Variants in COL11A1 observed in about 807,000 individuals in gnomAD.
COL11A1 encodes the protein collagen alpha-1(XI) chain.
A neutral mutation model predicts 265.2 loss-of-function variants in COL11A1; 74 were observed. The observed-to-expected ratio is 0.28, with a 90% CI of 0.23 to 0.34. COL11A1 has a LOEUF of 0.34. COL11A1 is among the 10% of genes least tolerant of loss of function. COL11A1 has a pLI of 1.00. For missense variants in COL11A1, 2,165 were observed against 2,263.6 expected (o/e 0.96, Z 0.88); for synonymous variants, 816 against 727.6 (o/e 1.12, Z -1.96).
intron 4 of COL11A1, among the ~76,000 whole-genome samples, chr1:103,046,016 C>T (rs78389263): frequency 0.13 from 20,233 of 150,546 alleles, 1,468 homozygotes; most frequent in African/African-American, 0.15. Flanking sequence ...TCCAGTCTAT[C>T]GTTGTTGGAC....
intron 4 of COL11A1, among the ~76,000 whole-genome samples, chr1:103,038,965 A>G (rs1668598898): frequency 6.6e-6 from 1 of 152,218 alleles, no homozygotes; most frequent in Non-Finnish European, 1.5e-5. Context: ...AGGAACGTAG[A>G]GCAATTCTGC....
intron 1 of COL11A1, among the ~76,000 whole-genome samples, chr1:103,094,612 TGAA>T (rs1279971826): frequency 6.6e-6 from 1 of 151,982 alleles, no homozygotes; most frequent in Non-Finnish European, 1.5e-5. Flanking sequence ...CTCCTCAACA[TGAA>T]GATGATGATG....
Position 102,914,758 on chromosome 1 carries a change from A to G in COL11A1, c.3870T>C (p.Ala1290=). ...EKGEAGPPGA[A]GPPGAKGPPG... ...GTGGCCCCTTGGCACCTGGAGGTCC[A>G]GCAGCTCCAGGTGGACCAGCTTCCC... The change falls in exon 51 of 67, where the codon GCT becomes GCC. Residue 1290 remains alanine, a synonymous_variant. Coordinates refer to ENST00000370096, the MANE Select transcript of COL11A1 (RefSeq NM_001854.4). 6.2e-7 allele frequency: 1 copy of G among 1,613,482 alleles called. No homozygotes were observed. Among genetic ancestry groups the G allele is most frequent in the Non-Finnish European group, 8.5e-7 (1 of 1,179,898 alleles).
At chr1:102,904,208 T>C (rs1653597292) in intron 54 of COL11A1, among the ~76,000 whole-genome samples, 1 of 152,132 alleles carries the variant, frequency 6.6e-6, no homozygotes, top group Non-Finnish European at 1.5e-5. Flanking sequence ...TAGCCAGTTT[T>C]ATACAAAAAT....
rs949584188 is a variant in COL11A1, at chr1:103,108,259, G to T, written c.-81C>A. Reference sequence around the variant, plus strand: ...CCAACTTCGTCCTTTCCAAGGTATCGCCAGGGATGTTTGCTACACAGCCAT... The same window carrying T: ...CCAACTTCGTCCTTTCCAAGGTATCTCCAGGGATGTTTGCTACACAGCCAT... On this transcript the variant is annotated 5_prime_UTR_variant, in exon 1 of 67. Coordinates refer to ENST00000370096, the MANE Select transcript of COL11A1 (RefSeq NM_001854.4). 8 of 1,068,068 alleles carry T rather than the reference G, an allele frequency of 7.5e-6. No individual in the cohort carries two copies. Among genetic ancestry groups the T allele is most frequent in the African/African-American group, 1.6e-5 (1 of 64,442 alleles). The allele number at this position is 1,068,068 out of a possible 1,614,324, so 66.2% of individuals were successfully genotyped here.
At chr1:103,023,034 G>A in intron 7 of COL11A1, 38 bp from the exon 8 acceptor site, 1 of 1,598,356 alleles carries the variant, frequency 6.3e-7, no homozygotes, top group African/African-American at 1.3e-5. Context: ...GGAACATGAA[G>A]TTTATTGTTA....
At chr1:102,933,743 C>T (rs546334018) in intron 46 of COL11A1, among the ~76,000 whole-genome samples, 3 of 152,262 alleles carry the variant, frequency 2.0e-5, no homozygotes, top group South Asian at 2.1e-4. Context: ...ATCAGCGAGA[C>T]TCCGTGGGCG....
At chr1:102,943,158 G>A (rs924073685) in intron 42 of COL11A1, among the ~76,000 whole-genome samples, 17 of 151,812 alleles carry the variant, frequency 1.1e-4, no homozygotes, top group African/African-American at 2.9e-4. Flanking sequence ...ATGAGGCAAC[G>A]CATTCAATCT....
intron 66 of COL11A1, among the ~76,000 whole-genome samples, 186 bp from the exon 67 acceptor site, chr1:102,878,351 T>C (rs888264613): frequency 4.0e-5 from 6 of 150,800 alleles, no homozygotes; most frequent in African/African-American, 1.5e-4. Flanking sequence ...TATTGATTAG[T>C]ACATTTAATA....
chr1:103,058,249 C>T (rs562645170), intron 4 of COL11A1, among the ~76,000 whole-genome samples: 28 of 152,256 alleles, frequency 1.8e-4, no homozygotes, highest in African/African-American at 5.8e-4. Flanking sequence ...TCTGAAGCTT[C>T]CTCACTTCTC....
At chr1:103,004,292 C>G (rs1015541014) in intron 20 of COL11A1, 152 bp downstream of exon 20, 1 of 623,428 alleles carries the variant, frequency 1.6e-6, no homozygotes, top group Non-Finnish European at 2.8e-6. Context: ...TCTATATATC[C>G]TTTTTAATTT....
At chr1:103,092,617 C>T (rs1298561732) in intron 1 of COL11A1, among the ~76,000 whole-genome samples, 1 of 152,096 alleles carries the variant, frequency 6.6e-6, no homozygotes, top group East Asian at 1.9e-4. Context: ...TAGCCACCTC[C>T]TGTTGCTATT....
intron 46 of COL11A1, among the ~76,000 whole-genome samples, chr1:102,932,448 T>C (rs1374083030): frequency 6.6e-6 from 1 of 152,228 alleles, no homozygotes; most frequent in Non-Finnish European, 1.5e-5. Context: ...GTAGGGCTTC[T>C]GCCGAGAGAT....
At chr1:102,936,805 T>C (rs949899465) in intron 44 of COL11A1, among the ~76,000 whole-genome samples, 1 of 152,200 alleles carries the variant, frequency 6.6e-6, no homozygotes, top group Non-Finnish European at 1.5e-5. Context: ...TCAAATTCTG[T>C]TGTGCAATTG....
intron 4 of COL11A1, among the ~76,000 whole-genome samples, chr1:103,056,658 G>A (rs926434805): frequency 6.6e-6 from 1 of 152,096 alleles, no homozygotes; most frequent in African/African-American, 2.4e-5. Context: ...AACCTGCTGG[G>A]ATTTCATCAT....
chr1:103,025,668 T>A, intron 6 of COL11A1, 55 bp from the exon 7 acceptor site: 1 of 1,575,282 alleles, frequency 6.3e-7, no homozygotes, highest in South Asian at 1.1e-5. Flanking sequence ...CCCAAATGTA[T>A]GGAAATCATG....
At chr1:102,972,397 G>A (rs535932972) in intron 36 of COL11A1, among the ~76,000 whole-genome samples, 3 of 152,082 alleles carry the variant, frequency 2.0e-5, no homozygotes, top group South Asian at 4.1e-4. Flanking sequence ...AGGTCTAAGC[G>A]ATCACATCCT....
At chr1:102,917,017 T>C (rs529958968) in intron 49 of COL11A1, among the ~76,000 whole-genome samples, 111 of 151,828 alleles carry the variant, frequency 7.3e-4, no homozygotes, top group African/African-American at 2.6e-3. Context: ...CTATTGAGCA[T>C]GTACATTGAA....
At chr1:102,976,114 T>C (rs1332122062) in intron 35 of COL11A1, among the ~76,000 whole-genome samples, 1 of 152,032 alleles carries the variant, frequency 6.6e-6, no homozygotes, top group Admixed American at 6.6e-5. Context: ...TTTGGTTATG[T>C]AGCAAACTAT....
Sources: gnomAD v4.1 joint callset for allele counts (sites outside exome capture counted in the v4.1 genomes callset) on GRCh38, gnomAD v4.1.1 for gene constraint, MANE v1.5 for transcripts, NCBI Gene and HGNC (gene_info 2026-07-23, HGNC 2026-07-21) for gene names.